The following IQCM variants were observed in gnomAD, a reference collection of about 807,000 sequenced individuals.
IQCM encodes the protein IQ motif containing M.
IQCM carries 45 observed loss-of-function variants against 57.6 expected under a neutral mutation model. The ratio of observed to expected loss-of-function variants is 0.78; its 90% confidence interval spans 0.62 to 1.00. The LOEUF is 1.00. IQCM is among the 50% of genes least tolerant of loss of function. IQCM has a pLI of 0.00. For missense variants in IQCM, 468 were observed against 511.6 expected, an observed-to-expected ratio of 0.91 and a Z score of 0.82; for synonymous variants, 148 against 158.9, an observed-to-expected ratio of 0.93 and a Z score of 0.51.
chr4:149,404,838 A>G (rs1273227403), intron 13 of IQCM, among the ~76,000 whole-genome samples: 1 of 152,100 alleles, frequency 6.6e-6, no homozygotes, highest in Non-Finnish European at 1.5e-5. Flanking sequence ...TTAACCGGTT[A>G]ATAACAAAGT....
In IQCM at chr4:149,747,580, G is replaced by C. The variant is rs144903179; in HGVS notation, c.-48-4841C>G. On this transcript the variant is annotated intron_variant, in intron 2 of 13. Coordinates refer to ENST00000636793, the MANE Select transcript of IQCM (RefSeq NM_001363507.2). ...TCCATGTTTAGTTGAATCTACATAT[G>C]TGGAATCCACGGATACAGAGGTCCA... 2.6e-3 allele frequency among the ~76,000 whole-genome samples: 391 copies of C among 152,306 alleles called. 3 individuals carry two copies. Among genetic ancestry groups the C allele is most frequent in the African/African-American group, 8.8e-3 (366 of 41,544 alleles).
At position 149,774,573 on chromosome 4, in the gene IQCM, A is replaced by G. The variant is rs185786192; in HGVS notation, c.-48-31834T>C. ...GCCACGTGAATGACATGCCTGGTCA[A>G]ACCAATCCCCTGAGCCCTATGCAAA... On this transcript the variant is annotated intron_variant, in intron 2 of 13. Transcript: ENST00000636793. Among the ~76,000 whole-genome samples, 671 of 152,182 alleles carry G rather than the reference A, an allele frequency of 4.4e-3. 6 individuals are homozygous for G. Among genetic ancestry groups the G allele is most frequent in the African/African-American group, 0.015 (639 of 41,540 alleles).
chr4:149,805,619 T>C (rs915433943), intron 2 of IQCM, among the ~76,000 whole-genome samples: 1 of 152,070 alleles, frequency 6.6e-6, no homozygotes, highest in African/African-American at 2.4e-5. Context: ...ATATTTTTAA[T>C]TCTAAATTTT....
intron 12 of IQCM, among the ~76,000 whole-genome samples, chr4:149,512,699 A>G (rs1460833891): frequency 2.0e-5 from 3 of 152,198 alleles, no homozygotes; most frequent in Non-Finnish European, 2.9e-5. Context: ...ACCTTCTAAA[A>G]TATTGAGTAA....
At chr4:149,354,357 C>G (rs1728782692) in intron 13 of IQCM, among the ~76,000 whole-genome samples, 1 of 12,200 alleles carries the variant, frequency 8.2e-5, no homozygotes, top group African/African-American at 3.2e-4. Flanking sequence ...GAGCGAGACT[C>G]CGTCTCAAAA....
chr4:149,631,443 A>G (rs890746265), intron 7 of IQCM, among the ~76,000 whole-genome samples: 3 of 152,244 alleles, frequency 2.0e-5, no homozygotes, highest in African/African-American at 7.2e-5. Context: ...AAATGTAAAT[A>G]TAATATAAAT....
intron 6 of IQCM, among the ~76,000 whole-genome samples, chr4:149,682,655 T>A (rs1417332779): frequency 3.3e-5 from 5 of 151,140 alleles, no homozygotes; most frequent in African/African-American, 1.2e-4. Flanking sequence ...TCTCCCCTAA[T>A]CTTATTACCC....
At chr4:149,400,808 T>A (rs1732568064) in intron 13 of IQCM, among the ~76,000 whole-genome samples, 1 of 151,974 alleles carries the variant, frequency 6.6e-6, no homozygotes, top group African/African-American at 2.4e-5. Flanking sequence ...AAAGAAGCAC[T>A]CAATAATTTT....
At chr4:149,601,772 T>C (rs1042628100) in intron 8 of IQCM, among the ~76,000 whole-genome samples, 1 of 152,050 alleles carries the variant, frequency 6.6e-6, no homozygotes, top group Non-Finnish European at 1.5e-5. Flanking sequence ...AAATATGTTT[T>C]ATATGGCCTG....
chr4:149,805,827 G>C (rs1023448806), intron 2 of IQCM, among the ~76,000 whole-genome samples: 12 of 151,714 alleles, frequency 7.9e-5, no homozygotes, highest in Non-Finnish European at 1.3e-4. Context: ...AAAGCTTCTG[G>C]GTCTTTAGTC....
intron 7 of IQCM, among the ~76,000 whole-genome samples, chr4:149,642,785 A>G (rs1186576215): frequency 2.0e-5 from 3 of 152,202 alleles, no homozygotes; most frequent in Non-Finnish European, 4.4e-5. Context: ...TCAAAATTAT[A>G]TTTAGGGACA....
intron 5 of IQCM, among the ~76,000 whole-genome samples, chr4:149,688,335 C>T (rs1021536583): frequency 1.3e-5 from 2 of 151,862 alleles, no homozygotes; most frequent in Non-Finnish European, 2.9e-5. Flanking sequence ...AAATCAAAAA[C>T]TCAACCCCTT....
chr4:149,749,404 C>T (rs1035951327), intron 2 of IQCM, among the ~76,000 whole-genome samples: 3 of 152,164 alleles, frequency 2.0e-5, no homozygotes, highest in African/African-American at 7.2e-5. Flanking sequence ...TATATTCTCA[C>T]ATATATTATT....
chr4:149,795,493 T>C (rs905289837), intron 2 of IQCM, among the ~76,000 whole-genome samples: 1 of 152,064 alleles, frequency 6.6e-6, no homozygotes, highest in African/African-American at 2.4e-5. Context: ...AGGCTCTAAA[T>C]AAACTTCACA....
chr4:149,771,091 A>C (rs920372861), intron 2 of IQCM, among the ~76,000 whole-genome samples: 1 of 152,058 alleles, frequency 6.6e-6, no homozygotes. Flanking sequence ...TCTACAATTA[A>C]AATTACAGCA....
intron 2 of IQCM, among the ~76,000 whole-genome samples, chr4:149,803,373 T>C (rs535662450): frequency 3.3e-4 from 50 of 152,170 alleles, no homozygotes; most frequent in African/African-American, 1.2e-3. Context: ...CTGCTCCTTT[T>C]TCATTTATTC....
At chr4:149,581,259 A>T (rs759392355) in intron 9 of IQCM, among the ~76,000 whole-genome samples, 1 of 151,070 alleles carries the variant, frequency 6.6e-6, no homozygotes, top group East Asian at 2.0e-4. Flanking sequence ...AAGTACTTCA[A>T]TTCATATATA....
chr4:149,396,291 T>C (rs1732222181), intron 13 of IQCM, among the ~76,000 whole-genome samples: 1 of 151,726 alleles, frequency 6.6e-6, no homozygotes, highest in Non-Finnish European at 1.5e-5. Context: ...TATCTCTCCA[T>C]TTGTTTTGAA....
intron 10 of IQCM, among the ~76,000 whole-genome samples, chr4:149,562,658 G>T (rs1423645172): frequency 2.6e-5 from 4 of 152,140 alleles, no homozygotes; most frequent in Admixed American, 2.6e-4. Context: ...AATAGATATA[G>T]CAGCTACCTT....
Sources: allele counts gnomAD v4.1 joint callset (sites outside exome capture counted in the v4.1 genomes callset), GRCh38; gene constraint gnomAD v4.1.1; transcripts MANE v1.5; gene names NCBI Gene and HGNC (gene_info 2026-07-23, HGNC 2026-07-21).